Variants in ZNF676 observed in about 807,000 individuals in gnomAD.
ZNF676 encodes zinc finger protein 676.
In ZNF676, 4 loss-of-function variants were observed where a neutral mutation model predicts 6.0. The ratio of observed to expected loss-of-function variants is 0.67; its 90% CI spans 0.33 to 1.53. The LOEUF is 1.53. Among genes scored for constraint, ZNF676 ranks in the 40% most tolerant of loss-of-function variants. The pLI is 0.06. For missense variants in ZNF676, 644 were observed against 679.7 expected (o/e 0.95, Z 0.58); for synonymous variants, 198 against 223.1 (o/e 0.89, Z 1.00).
At chr19:22,245,896 GCAGAACCCAGA>G in the ZNF676 span, among the ~76,000 whole-genome samples, 3 of 152,036 alleles carry the variant, frequency 2.0e-5, 1 homozygote, top group Non-Finnish European at 4.4e-5. Context: ...ACTTGTTTTT[GCAGAACCCAGA>G]CAGAAAAGAA....
chr19:22,235,013 AAAG>A, the ZNF676 span, among the ~76,000 whole-genome samples: 12,125 of 117,336 alleles, frequency 0.1, 967 homozygotes, highest in South Asian at 0.13. Flanking sequence ...AGAAAGAAAG[AAAG>A]AAAGAAAGAA....
chr19:22,241,841 T>C, the ZNF676 span, among the ~76,000 whole-genome samples: 3 of 151,884 alleles, frequency 2.0e-5, no homozygotes, highest in Non-Finnish European at 4.4e-5. Context: ...TGTTTACATA[T>C]GACAGTCACA....
chr19:22,232,782 T>C, the ZNF676 span, among the ~76,000 whole-genome samples: 3 of 152,202 alleles, frequency 2.0e-5, no homozygotes, highest in East Asian at 3.9e-4. Context: ...GAAAAAAGTA[T>C]AAATATATAG....
the ZNF676 span, among the ~76,000 whole-genome samples, chr19:22,242,603 C>A: frequency 6.6e-6 from 1 of 151,898 alleles, no homozygotes; most frequent in African/African-American, 2.4e-5. Context: ...GATGCTGAGC[C>A]TAGCAATACA....
chr19:22,182,982 T>C (rs1448557087), intron 2 of ZNF676, among the ~76,000 whole-genome samples: 1 of 152,064 alleles, frequency 6.6e-6, no homozygotes, highest in Non-Finnish European at 1.5e-5. Context: ...TAGATAAACT[T>C]AGCAACATCA....
intron 2 of ZNF676, among the ~76,000 whole-genome samples, chr19:22,190,540 C>G (rs566875680): frequency 1.3e-4 from 19 of 145,292 alleles, no homozygotes; most frequent in African/African-American, 4.0e-4. Context: ...CATTAAAGTT[C>G]CTGATTTCAA....
Position 22,196,622 on chromosome 19 carries a change from G to C in ZNF676, c.12C>G (p.Asn4Lys). Reference protein sequence around the residue: MLENYRNLVFLGIA... With the variant: MLEKYRNLVFLGIA... The stretch of plus-strand genomic sequence containing the variant: ...CACCCAGGAAGACCAGGTTTCTGTA[G>C]TTCTCTAACATCACATTCCTATATA... The change falls in exon 1 of 3, where the codon AAC becomes AAG. Residue 4 changes from asparagine to lysine, a missense_variant. Asn to Lys is a moderately conservative substitution (Grantham distance 94, BLOSUM62 0). Around this residue, in one of 5 missense-constraint regions of ZNF676, gnomAD observed 280 missense variants for 269.3 expected, o/e 1.04. Transcript: ENST00000397121. 2 of 1,613,742 alleles carry C rather than the reference G, an allele frequency of 1.2e-6. No individual in the cohort carries two copies. Among genetic ancestry groups the C allele is most frequent in the Non-Finnish European group, 1.7e-6 (2 of 1,179,674 alleles).
At chr19:22,183,928 G>C (rs1427536510) in intron 2 of ZNF676, among the ~76,000 whole-genome samples, 1 of 152,202 alleles carries the variant, frequency 6.6e-6, no homozygotes, top group African/African-American at 2.4e-5. Context: ...GTGTGTATGT[G>C]TGTGTCTCAC....
chr19:22,221,199 G>A, the ZNF676 span, among the ~76,000 whole-genome samples: 1 of 151,814 alleles, frequency 6.6e-6, no homozygotes, highest in African/African-American at 2.4e-5. Context: ...ACTTTTTGAT[G>A]TATGTATTTA....
At chr19:22,214,363 C>T (rs558996896) in intron 1 of ZNF676, among the ~76,000 whole-genome samples, 130 of 152,148 alleles carry the variant, frequency 8.5e-4, no homozygotes, top group Middle Eastern at 6.8e-3. Flanking sequence ...ACCTGTAATC[C>T]CAGCACTTTG....
At chr19:22,235,144 G>GAAGC in the ZNF676 span, among the ~76,000 whole-genome samples, 3 of 148,914 alleles carry the variant, frequency 2.0e-5, no homozygotes, top group Admixed American at 6.7e-5. Context: ...AGGAAGGAAG[G>GAAGC]AAGGAAGGAA....
chr19:22,213,340 A>G (rs1251422100), intron 1 of ZNF676, among the ~76,000 whole-genome samples: 4 of 152,206 alleles, frequency 2.6e-5, no homozygotes, highest in Non-Finnish European at 5.9e-5. Context: ...TCCAGAGGCA[A>G]AAATTATTTT....
the ZNF676 span, among the ~76,000 whole-genome samples, chr19:22,236,287 T>C: frequency 3.9e-5 from 6 of 152,154 alleles, no homozygotes; most frequent in Non-Finnish European, 8.8e-5. Flanking sequence ...TTTTGCATTC[T>C]GGAACTGGGG....
At chr19:22,209,033 AGGCGGCAG>A (rs1224404335) in intron 1 of ZNF676, among the ~76,000 whole-genome samples, 2 of 152,340 alleles carry the variant, frequency 1.3e-5, no homozygotes, top group East Asian at 3.9e-4. Context: ...TGGGAGGCCA[AGGCGGCAG>A]ATCACCTGAA....
At chr19:22,229,632 C>T in the ZNF676 span, among the ~76,000 whole-genome samples, 1 of 152,184 alleles carries the variant, frequency 6.6e-6, no homozygotes, top group South Asian at 2.1e-4. Context: ...CCAGGCTCTA[C>T]AAAGAACTTA....
At chr19:22,219,758 C>T (rs143789377), upstream of ZNF676, among the ~76,000 whole-genome samples, 396 of 151,958 alleles carry the variant, frequency 2.6e-3, 1 homozygote, top group African/African-American at 8.6e-3. Context: ...CAGACTCAAG[C>T]GATTCTCCCG....
upstream of ZNF676, among the ~76,000 whole-genome samples, chr19:22,200,802 G>C (rs184364533): frequency 9.9e-5 from 15 of 152,156 alleles, no homozygotes; most frequent in Admixed American, 9.8e-4. Context: ...CACCATCTTG[G>C]CTTCCCAAAG....
At chr19:22,222,755 A>G in the ZNF676 span, among the ~76,000 whole-genome samples, 43 of 152,192 alleles carry the variant, frequency 2.8e-4, no homozygotes, top group Admixed American at 2.7e-3. Flanking sequence ...CTGCGTCTGC[A>G]TAGGATTTAC....
At chr19:22,230,280 T>A in the ZNF676 span, among the ~76,000 whole-genome samples, 60 of 152,222 alleles carry the variant, frequency 3.9e-4, no homozygotes, top group South Asian at 9.7e-3. Context: ...TTCTCACTCA[T>A]AAGTGGGAGT....
Sources: gnomAD v4.1 joint callset for allele counts (sites outside exome capture counted in the v4.1 genomes callset) on GRCh38, gnomAD v4.1.1 for gene constraint, gnomAD v4.1.1 regional missense constraint, MANE v1.5 for transcripts, NCBI Gene and HGNC (gene_info 2026-07-23, HGNC 2026-07-21) for gene names.